Variants in USP28 observed in about 807,000 individuals in gnomAD.
USP28 encodes ubiquitin specific peptidase 28, also known as ubiquitin carboxyl-terminal hydrolase 28.
In USP28, 113 loss-of-function variants were observed where a neutral mutation model predicts 145.0. The observed-to-expected ratio is 0.78, with a 90% confidence interval of 0.67 to 0.91. The LOEUF is 0.91. USP28 is among the 40% of genes least tolerant of loss of function. The pLI, the probability that USP28 is intolerant of heterozygous loss-of-function variation, is 0.00. For synonymous variants in USP28, 447 were observed against 450.9 expected, an observed-to-expected ratio of 0.99 and a Z score of 0.11; for missense variants, 1,201 against 1,289.6, an observed-to-expected ratio of 0.93 and a Z score of 1.05.
intron 1 of USP28, among the ~76,000 whole-genome samples, chr11:113,859,105 G>A (rs1266403079): frequency 1.3e-5 from 2 of 151,988 alleles, no homozygotes; most frequent in Admixed American, 1.3e-4. Flanking sequence ...CCTAACTGCT[G>A]GACTCAAAGG....
intron 13 of USP28, 87 bp downstream of exon 13, chr11:113,817,571 A>G (rs1270717560): frequency 6.9e-7 from 1 of 1,438,980 alleles, no homozygotes; most frequent in African/African-American, 1.4e-5. Flanking sequence ...CTTATAGGTG[A>G]CTGTCAATCA....
intron 9 of USP28, 71 bp downstream of exon 9, chr11:113,830,796 C>T: frequency 1.4e-6 from 2 of 1,444,592 alleles, no homozygotes; most frequent in South Asian, 2.4e-5. Flanking sequence ...ACTATACTGC[C>T]TCCTCAAAGG....
chr11:113,843,959 AC>A (rs1465387637), intron 3 of USP28, among the ~76,000 whole-genome samples: 1 of 152,206 alleles, frequency 6.6e-6, no homozygotes, highest in Non-Finnish European at 1.5e-5. Flanking sequence ...AGCCCCACAT[AC>A]AAAAATTAAG....
intron 24 of USP28, among the ~76,000 whole-genome samples, chr11:113,800,565 A>G (rs1938812285): frequency 6.6e-6 from 1 of 152,110 alleles, no homozygotes. Context: ...TGCTGGGACT[A>G]CAAGTGTCAG....
At chr11:113,849,250 A>G (rs1946202123) in intron 3 of USP28, among the ~76,000 whole-genome samples, 1 of 152,204 alleles carries the variant, frequency 6.6e-6, no homozygotes, top group South Asian at 2.1e-4. Flanking sequence ...GCTGGATCCT[A>G]TCCACACTTT....
chr11:113,855,642 C>T (rs1401044684), intron 1 of USP28, among the ~76,000 whole-genome samples: 3 of 152,164 alleles, frequency 2.0e-5, no homozygotes, highest in African/African-American at 7.2e-5. Flanking sequence ...AGAGGTCGGG[C>T]ATGGTGGCTC....
chr11:113,822,458 C>CAAAGAGAGAGAGAGAGAGAG (rs1942754477), intron 12 of USP28: 1 of 136,398 alleles, frequency 7.3e-6, no homozygotes, highest in South Asian at 2.5e-4. Context: ...TCAAAAAAAA[C>CAAAGAGAGAGAGAGAGAGAG]AGAGAGAGAG....
chr11:113,865,231 T>G (rs1028915638), intron 1 of USP28, among the ~76,000 whole-genome samples: 5 of 152,184 alleles, frequency 3.3e-5, no homozygotes, highest in Admixed American at 3.3e-4. Context: ...GTCCTTTGTG[T>G]GTGCGTGTGG....
intron 13 of USP28, among the ~76,000 whole-genome samples, chr11:113,816,705 T>C (rs1333800593): frequency 6.6e-6 from 1 of 152,176 alleles, no homozygotes; most frequent in Non-Finnish European, 1.5e-5. Flanking sequence ...TTAAATCTAA[T>C]ACCAAGCACT....
At chr11:113,803,175 G>T in exon 23 of USP28, 1 of 1,613,686 alleles carries the variant, frequency 6.2e-7, no homozygotes, top group Non-Finnish European at 8.5e-7. Flanking sequence ...CATTTTCTTC[G>T]GTATAAAGCA....
chr11:113,804,571 C>A, intron 21 of USP28, 102 bp downstream of exon 22: 1 of 1,012,508 alleles, frequency 9.9e-7, no homozygotes, highest in East Asian at 2.5e-5. Context: ...AGTGGAAGAA[C>A]AAGTCAGTTT....
intron 1 of USP28, among the ~76,000 whole-genome samples, chr11:113,856,041 T>C (rs890551692): frequency 8.5e-5 from 13 of 152,214 alleles, no homozygotes; most frequent in African/African-American, 2.9e-4. Flanking sequence ...ATGAGTCTTG[T>C]CAACTCCAGT....
chr11:113,841,728 C>CA lies in USP28; in HGVS notation c.308_309insT (p.Gln103HisfsTer17), dbSNP rs1213106318. 1.9e-6 allele frequency: 3 copies of CA among 1,613,508 alleles called. No homozygotes were observed. In the Admixed American group the frequency reaches 5.0e-5, roughly 27 times the overall value. On this transcript the variant is annotated frameshift_variant, in exon 4 of 25. Coordinates refer to ENST00000003302, the Ensembl canonical transcript of USP28. LOFTEE classifies it high-confidence loss of function. Reference sequence around the variant, plus strand: ...CCAGTAGACTCAAAGCAATGGCAGCCTGAAGATCATCTTTGTTATCATGAG... The same window carrying CA: ...CCAGTAGACTCAAAGCAATGGCAGCCATGAAGATCATCTTTGTTATCATGAG...
At chr11:113,872,897 G>T (rs1239168245) in intron 1 of USP28, among the ~76,000 whole-genome samples, 1 of 152,194 alleles carries the variant, frequency 6.6e-6, no homozygotes, top group Non-Finnish European at 1.5e-5. Flanking sequence ...AAATCATAAA[G>T]TGTCTACTCT....
intron 9 of USP28, 53 bp from the exon 10 acceptor site, chr11:113,829,398 C>A (rs764632713): frequency 6.3e-7 from 1 of 1,596,144 alleles, no homozygotes; most frequent in Admixed American, 1.8e-5. Context: ...CTATCTAAAG[C>A]CTATCTTCTG....
intron 13 of USP28, 98 bp from the exon 14 acceptor site, chr11:113,815,480 C>G: frequency 9.0e-7 from 1 of 1,113,044 alleles, no homozygotes; most frequent in Non-Finnish European, 1.3e-6. Flanking sequence ...TGAAAAAGTA[C>G]AGGTATTCAG....
rs1375181875 is a variant in USP28 at position 113,875,506 on chromosome 11, G to C, written c.-5C>G. 103 of 1,169,872 alleles carry C rather than the reference G, an allele frequency of 8.8e-5. 2 individuals are homozygous for C. The East Asian group carries it at 4.1e-3, about 47-fold the overall frequency. The allele number at this position is 1,169,872 out of a possible 1,614,324, so 72.5% of individuals were successfully genotyped here. ...CTGCTGCAGCTCCGCAGTCATGGCC[G>C]AGGCGCCCAGCCGCGGGTCACCGGT... On this transcript the variant is annotated 5_prime_UTR_variant, in exon 1 of 25. Transcript: ENST00000003302.
chr11:113,823,489 G>T, intron 12 of USP28, 116 bp downstream of exon 12: 1 of 874,172 alleles, frequency 1.1e-6, no homozygotes, highest in Non-Finnish European at 1.7e-6. Context: ...TTTCTTAGCT[G>T]TTTTATAAAA....
exon 4 of USP28, chr11:113,841,704 C>T: frequency 6.2e-7 from 1 of 1,613,520 alleles, no homozygotes; most frequent in Non-Finnish European, 8.5e-7. Context: ...TGGGAGACTC[C>T]AGTAGACTCA....
Sources: gnomAD v4.1 joint callset for allele counts (sites outside exome capture counted in the v4.1 genomes callset) on GRCh38, gnomAD v4.1.1 for gene constraint, MANE v1.5 for transcripts, NCBI Gene and HGNC (gene_info 2026-07-23, HGNC 2026-07-21) for gene names.